The following CLASP2 variants were observed in gnomAD, a reference collection of about 807,000 sequenced individuals.
CLASP2 encodes CLIP-associating protein 2.
A neutral mutation model predicts 194.4 loss-of-function variants in CLASP2; 47 were observed. The observed-to-expected ratio is 0.24, with a 90% CI of 0.19 to 0.31. The LOEUF is 0.31. Among genes scored for constraint, CLASP2 ranks in the 10% least tolerant of loss-of-function variants. The pLI, the probability that CLASP2 is intolerant of heterozygous loss-of-function variation, is 1.00. For missense variants in CLASP2, 1,445 were observed against 1,823.6 expected, an observed-to-expected ratio of 0.79 and a Z score of 3.78; for synonymous variants, 619 against 633.5, an observed-to-expected ratio of 0.98 and a Z score of 0.34.
Position 33,543,177 on chromosome 3 carries a change from G to A in CLASP2, c.3404+256C>T, listed in dbSNP as rs186151956. 1.8e-3 allele frequency among the ~76,000 whole-genome samples: 280 copies of A among 152,110 alleles called. 1 individual carries two copies. The highest frequency in any genetic ancestry group is 5.7e-3 in the Admixed American group (87 of 15,256). On this transcript the variant is annotated intron_variant, in intron 32 of 38. Transcript: ENST00000682230. ...CACCTAAGGTCAGGAGTTTGTGACC[G>A]GCCTGGCCAACATGGTGAAACCCTG...
At chr3:33,552,207 C>T (rs913012546) in intron 29 of CLASP2, among the ~76,000 whole-genome samples, 1 of 150,494 alleles carries the variant, frequency 6.6e-6, no homozygotes, top group African/African-American at 2.4e-5. Context: ...AAACCTCCGT[C>T]TCCTGGGTTC....
At chr3:33,645,115 T>C (rs1223096803) in intron 7 of CLASP2, 1 of 662,706 alleles carries the variant, frequency 1.5e-6, no homozygotes, top group East Asian at 2.7e-5. Context: ...AGTATTTTCA[T>C]ACTTCTTACT....
chr3:33,645,060 C>A, intron 7 of CLASP2, 157 bp from the exon 8 acceptor site: 1 of 740,602 alleles, frequency 1.4e-6, no homozygotes, highest in Admixed American at 2.3e-5. Context: ...TATATATTGG[C>A]TAACACCATA....
chr3:33,534,734 C>CAGCTTAGTAAGTGTTAG (rs1227349850), intron 34 of CLASP2, among the ~76,000 whole-genome samples: 1 of 152,174 alleles, frequency 6.6e-6, no homozygotes, highest in African/African-American at 2.4e-5. Context: ...CCAGGCTATG[C>CAGCTTAGTAAGTGTTAG]AGCTTAGTAA....
chr3:33,642,483 T>C (rs2081492176), intron 8 of CLASP2, among the ~76,000 whole-genome samples: 1 of 152,050 alleles, frequency 6.6e-6, no homozygotes, highest in Non-Finnish European at 1.5e-5. Flanking sequence ...CAAATCATAA[T>C]TTAGCAGTTG....
In CLASP2 at chr3:33,498,728, A is replaced by C; in HGVS notation, c.4435-11T>G. 1 of 1,595,928 alleles carries C rather than the reference A, an allele frequency of 6.3e-7. No homozygotes were observed. Among genetic ancestry groups the C allele is most frequent in the Non-Finnish European group, 8.6e-7 (1 of 1,163,924 alleles). On this transcript the variant is annotated splice_polypyrimidine_tract_variant and intron_variant, in intron 38 of 38. Transcript: ENST00000682230. ...ATTCAGTAGCTTCATCTGCAGATTC[A>C]AGCCAAATAAATGTCATTTGAGCAA...
At position 33,497,999 on chromosome 3, in the gene CLASP2, G is replaced by A. The variant is rs1458528942; in HGVS notation, c.*632C>T. The A allele has an allele frequency of 6.6e-6, 1 of 152,570 alleles. No individual in the cohort carries two copies. The highest frequency in any genetic ancestry group is 1.5e-5 in the Non-Finnish European group (1 of 68,026). 9.5% of individuals were successfully genotyped at this position (152,570 alleles called of 1,614,324 possible). ...GATCAATAACCAATAGACAATATCA[G>A]TTTTACAGAACTGGCTGATTCTGTA... On this transcript the variant is annotated 3_prime_UTR_variant, in exon 39 of 39. Transcript: ENST00000682230.
intron 23 of CLASP2, among the ~76,000 whole-genome samples, chr3:33,579,374 T>C (rs952826393): frequency 6.6e-6 from 1 of 152,240 alleles, no homozygotes; most frequent in African/African-American, 2.4e-5. Context: ...CAGTAATTAG[T>C]AGTAGATTAT....
intron 6 of CLASP2, among the ~76,000 whole-genome samples, chr3:33,666,148 G>T (rs2086137303): frequency 6.6e-6 from 1 of 152,142 alleles, no homozygotes; most frequent in African/African-American, 2.4e-5. Flanking sequence ...AGTATAACAT[G>T]AAAGAGACAA....
intron 1 of CLASP2, among the ~76,000 whole-genome samples, chr3:33,700,903 G>A (rs1390703398): frequency 6.6e-6 from 1 of 151,922 alleles, no homozygotes; most frequent in South Asian, 2.1e-4. Flanking sequence ...CTCAACAATT[G>A]GGAATTTTCA....
chr3:33,703,201 C>A (rs1212173683), intron 1 of CLASP2, among the ~76,000 whole-genome samples: 2 of 152,086 alleles, frequency 1.3e-5, no homozygotes, highest in African/African-American at 4.8e-5. Flanking sequence ...TTGCAAAATA[C>A]ACATCTGATA....
At chr3:33,517,196 AGTTCTAT>A in intron 34 of CLASP2, 22 bp from the exon 35 acceptor site, 2 of 1,589,446 alleles carry the variant, frequency 1.3e-6, no homozygotes, top group Non-Finnish European at 1.7e-6. Context: ...ACATGGTATT[AGTTCTAT>A]AACTTTATAG....
At chr3:33,611,620 A>G (rs562427769) in intron 13 of CLASP2, among the ~76,000 whole-genome samples, 19 of 152,312 alleles carry the variant, frequency 1.2e-4, no homozygotes, top group Middle Eastern at 3.4e-3. Flanking sequence ...TACGGGGTTG[A>G]CATTATTAGC....
chr3:33,671,672 G>C (rs950794558), intron 6 of CLASP2, among the ~76,000 whole-genome samples: 1 of 152,216 alleles, frequency 6.6e-6, no homozygotes, highest in Non-Finnish European at 1.5e-5. Context: ...AGGGGTCAGG[G>C]AGTTCCCTTT....
At chr3:33,516,495 C>T (rs899438146) in intron 35 of CLASP2, among the ~76,000 whole-genome samples, 1 of 151,960 alleles carries the variant, frequency 6.6e-6, no homozygotes, top group Non-Finnish European at 1.5e-5. Flanking sequence ...TGGTGAAACC[C>T]CATCTCTACC....
chr3:33,553,990 G>A lies in CLASP2; in HGVS notation c.3010-2595C>T, dbSNP rs1406167110. On this transcript the variant is annotated intron_variant, in intron 29 of 38. Coordinates refer to ENST00000682230, the MANE Select transcript of CLASP2 (RefSeq NM_001365631.1). ...GCCTGTAATCCCAGCACTTTGAAAG[G>A]CTGAGGTGGGCGGATCACCTGATGT... Among the ~76,000 whole-genome samples the A allele has an allele frequency of 3.3e-5, 5 of 152,154 alleles. No individual in the cohort carries two copies. In the East Asian group the frequency reaches 7.7e-4, roughly 23 times the overall value.
intron 1 of CLASP2, among the ~76,000 whole-genome samples, chr3:33,707,306 G>T (rs2092732251): frequency 6.6e-6 from 1 of 152,016 alleles, no homozygotes; most frequent in African/African-American, 2.4e-5. Flanking sequence ...ATAATTATAT[G>T]AAAACAAAAA....
intron 30 of CLASP2, among the ~76,000 whole-genome samples, chr3:33,547,311 T>C (rs1241480694): frequency 6.6e-6 from 1 of 152,196 alleles, no homozygotes; most frequent in Non-Finnish European, 1.5e-5. Context: ...CTTGGCTCAT[T>C]CTCCCTCTCT....
intron 8 of CLASP2, among the ~76,000 whole-genome samples, chr3:33,634,055 G>A (rs768819269): frequency 7.2e-5 from 11 of 152,100 alleles, no homozygotes; most frequent in East Asian, 1.9e-4. Flanking sequence ...AGAACTTGGC[G>A]GTGTAACTGC....
Sources: gnomAD v4.1 joint callset for allele counts (sites outside exome capture counted in the v4.1 genomes callset) on GRCh38, gnomAD v4.1.1 for gene constraint, MANE v1.5 for transcripts, NCBI Gene and HGNC (gene_info 2026-07-23, HGNC 2026-07-21) for gene names.